Variants in DLG2 observed in about 807,000 individuals in gnomAD.
The protein encoded by DLG2 is discs large MAGUK scaffold protein 2.
Under a neutral mutation model 132.5 loss-of-function variants are expected in DLG2, and 45 were observed. That is an observed-to-expected ratio of 0.34 (90% CI 0.27 to 0.44). DLG2 has a LOEUF of 0.44. Ranked by LOEUF, DLG2 falls within the 20% of genes least tolerant of loss-of-function variation. The probability of loss-of-function intolerance (pLI) is 1.00; values close to 1 mark genes in which losing one functional copy is unlikely to be tolerated. For missense variants in DLG2, 1,045 were observed against 1,196.9 expected, an observed-to-expected ratio of 0.87 and a Z score of 1.87; for synonymous variants, 424 against 419.6, an observed-to-expected ratio of 1.01 and a Z score of -0.13.
intron 26 of DLG2, among the ~76,000 whole-genome samples, chr11:83,462,940 G>C (rs566427130): frequency 2.8e-4 from 42 of 151,586 alleles, no homozygotes; most frequent in Admixed American, 2.2e-3. Flanking sequence ...GGGTCTTCCA[G>C]GTGTTAAAAA....
At chr11:85,227,819 T>C (rs2075064404) in intron 4 of DLG2, among the ~76,000 whole-genome samples, 1 of 151,998 alleles carries the variant, frequency 6.6e-6, no homozygotes, top group African/African-American at 2.4e-5. Context: ...TGTCTATCTC[T>C]TATTCATCCT....
intron 19 of DLG2, among the ~76,000 whole-genome samples, chr11:83,600,656 G>A (rs1415028135): frequency 6.6e-6 from 1 of 152,124 alleles, no homozygotes; most frequent in African/African-American, 2.4e-5. Flanking sequence ...CTCTGCCCTG[G>A]GGTGCATTAC....
At chr11:83,599,212 C>A (rs997940658) in intron 19 of DLG2, among the ~76,000 whole-genome samples, 4 of 152,164 alleles carry the variant, frequency 2.6e-5, no homozygotes, top group African/African-American at 9.7e-5. Flanking sequence ...AGTCCAAATT[C>A]AGCATGGAAG....
intron 4 of DLG2, among the ~76,000 whole-genome samples, chr11:85,223,001 C>T (rs1042979598): frequency 6.6e-6 from 1 of 152,146 alleles, no homozygotes; most frequent in African/African-American, 2.4e-5. Flanking sequence ...GACAAGCAAC[C>T]ATTCCAAACC....
At chr11:85,373,788 C>G (rs1400352907) in intron 3 of DLG2, among the ~76,000 whole-genome samples, 2 of 152,142 alleles carry the variant, frequency 1.3e-5, no homozygotes, top group Non-Finnish European at 2.9e-5. Context: ...TTTTCATGGC[C>G]ATGGGGCAGA....
intron 3 of DLG2, among the ~76,000 whole-genome samples, chr11:85,366,315 C>A (rs2084548659): frequency 6.6e-6 from 1 of 152,076 alleles, no homozygotes; most frequent in Non-Finnish European, 1.5e-5. Flanking sequence ...TCCCACTCCT[C>A]TTCCCACAAC....
intron 4 of DLG2, among the ~76,000 whole-genome samples, chr11:85,194,123 T>C (rs933795178): frequency 6.6e-6 from 1 of 152,224 alleles, no homozygotes; most frequent in Non-Finnish European, 1.5e-5. Flanking sequence ...GCTCCTACTA[T>C]AAGGCAATGC....
At chr11:84,571,272 T>G (rs2099483462) in intron 6 of DLG2, among the ~76,000 whole-genome samples, 1 of 152,032 alleles carries the variant, frequency 6.6e-6, no homozygotes, top group Non-Finnish European at 1.5e-5. Flanking sequence ...TTTTTCCTTT[T>G]CTTGTTTTTC....
At chr11:84,353,346 T>C (rs1443593750) in intron 7 of DLG2, among the ~76,000 whole-genome samples, 1 of 152,172 alleles carries the variant, frequency 6.6e-6, no homozygotes, top group African/African-American at 2.4e-5. Flanking sequence ...ACTTGGACTC[T>C]TCCTGCAGTG....
At chr11:84,082,881 T>G (rs947806665) in intron 10 of DLG2, among the ~76,000 whole-genome samples, 1 of 152,198 alleles carries the variant, frequency 6.6e-6, no homozygotes, top group African/African-American at 2.4e-5. Context: ...GAAAATAGAA[T>G]AGTAAATGAA....
chr11:85,206,436 C>G (rs115863380), intron 4 of DLG2, among the ~76,000 whole-genome samples: 2,071 of 152,202 alleles, frequency 0.014, 50 homozygotes, highest in African/African-American at 0.048. Flanking sequence ...TTGAGGAAGT[C>G]ATTTATCCAC....
At chr11:84,422,376 T>C (rs1036969493) in intron 7 of DLG2, among the ~76,000 whole-genome samples, 2 of 152,142 alleles carry the variant, frequency 1.3e-5, no homozygotes, top group South Asian at 2.1e-4. Context: ...TCTGGGCACA[T>C]TGGTCATGCT....
rs2079904319 is a variant in DLG2 at position 85,598,052 on chromosome 11, A to T, written c.40+605T>A. ...AAACCATATCCTTAATTTTCTTTAC[A>T]ATCTTTAATAAATAGGAGAATAAAC... On this transcript the variant is annotated intron_variant, in intron 3 of 27. Coordinates refer to ENST00000376104, the MANE Select transcript of DLG2 (RefSeq NM_001142699.3). Among the ~76,000 whole-genome samples the T allele has an allele frequency of 1.3e-5, 2 of 151,958 alleles. 1 individual carries two copies. Among genetic ancestry groups the T allele is most frequent in the South Asian group, 4.1e-4 (2 of 4,832 alleles).
chr11:85,015,825 C>T (rs1040881259), intron 6 of DLG2, among the ~76,000 whole-genome samples: 1 of 152,068 alleles, frequency 6.6e-6, no homozygotes, highest in African/African-American at 2.4e-5. Context: ...GATTTCATCT[C>T]TTAATAATCT....
At chr11:83,489,436 A>G (rs2093714311) in intron 21 of DLG2, among the ~76,000 whole-genome samples, 1 of 152,008 alleles carries the variant, frequency 6.6e-6, no homozygotes, top group Admixed American at 6.6e-5. Flanking sequence ...AACCAGTTAC[A>G]ATGTATAGAC....
intron 7 of DLG2, among the ~76,000 whole-genome samples, chr11:84,463,950 TA>T (rs2099087233): frequency 6.6e-6 from 1 of 151,270 alleles, no homozygotes; most frequent in Admixed American, 6.6e-5. Flanking sequence ...ACTTCGGGCA[TA>T]AACTGAAGTT....
At chr11:84,458,584 G>T (rs569454957) in intron 7 of DLG2, among the ~76,000 whole-genome samples, 17 of 150,664 alleles carry the variant, frequency 1.1e-4, no homozygotes, top group Non-Finnish European at 1.6e-4. Context: ...GGTGATTTTT[G>T]AATTGATCTG....
chr11:83,512,242 CT>C (rs2095066677), intron 21 of DLG2, among the ~76,000 whole-genome samples: 1 of 152,178 alleles, frequency 6.6e-6, no homozygotes, highest in Admixed American at 6.5e-5. Context: ...TCCTGTGTGA[CT>C]GAGCAATGGT....
At chr11:84,305,192 T>C (rs1017028456) in intron 7 of DLG2, among the ~76,000 whole-genome samples, 1 of 152,172 alleles carries the variant, frequency 6.6e-6, no homozygotes, top group Non-Finnish European at 1.5e-5. Flanking sequence ...AATTTAATAA[T>C]GATGCTACAA....
Sources: allele counts gnomAD v4.1 joint callset (sites outside exome capture counted in the v4.1 genomes callset), GRCh38; gene constraint gnomAD v4.1.1; transcripts MANE v1.5; gene names NCBI Gene and HGNC (gene_info 2026-07-23, HGNC 2026-07-21).